Variants in ZNF536 observed in about 807,000 individuals in gnomAD.
The protein encoded by ZNF536 is zinc finger protein 536.
A neutral mutation model predicts 84.5 loss-of-function variants in ZNF536; 13 were observed. The observed-to-expected ratio is 0.15, with a 90% CI of 0.10 to 0.24. The LOEUF (loss-of-function observed/expected upper bound fraction) is 0.24. Among genes scored for constraint, ZNF536 ranks in the 10% least tolerant of loss-of-function variants. The pLI is 1.00. For missense variants in ZNF536, 1,536 were observed against 1,747.5 expected (o/e 0.88, Z 2.16); for synonymous variants, 811 against 742.5 (o/e 1.09, Z -1.50).
chr19:30,540,984 T>C (rs961151090), intron 3 of ZNF536, among the ~76,000 whole-genome samples: 4 of 152,216 alleles, frequency 2.6e-5, no homozygotes, highest in Non-Finnish European at 5.9e-5. Flanking sequence ...GGGTGAGGCA[T>C]GGCCACTGTG....
chr19:30,686,523 C>T (rs1471938636), intron 1 of ZNF536, among the ~76,000 whole-genome samples: 2 of 152,208 alleles, frequency 1.3e-5, no homozygotes, highest in Non-Finnish European at 2.9e-5. Flanking sequence ...CCCCTGGCAC[C>T]GTGGCACCGT....
At chr19:30,275,760 G>A (rs2026093213) in intron 1 of ZNF536, among the ~76,000 whole-genome samples, 1 of 152,098 alleles carries the variant, frequency 6.6e-6, no homozygotes, top group Non-Finnish European at 1.5e-5. Context: ...GGTGGCACTT[G>A]GTAAATGCTA....
chr19:30,435,058 T>C (rs990403782), intron 1 of ZNF536, among the ~76,000 whole-genome samples: 1 of 150,346 alleles, frequency 6.7e-6, no homozygotes, highest in Non-Finnish European at 1.5e-5. Context: ...ATGATGATGC[T>C]GATGATGGTG....
intron 1 of ZNF536, among the ~76,000 whole-genome samples, chr19:30,434,912 GCTGA>G (rs1286411817): frequency 1.8e-4 from 2 of 10,922 alleles, no homozygotes; most frequent in Admixed American, 8.7e-4. Context: ...TGGTGATGAT[GCTGA>G]TGCTGATGCT....
chr19:30,417,148 A>ATTTTTTTTTTTTTTTTT (rs71173904), intron 1 of ZNF536, among the ~76,000 whole-genome samples: 37 of 100,230 alleles, frequency 3.7e-4, no homozygotes, highest in African/African-American at 1.4e-3. Context: ...TAATTTTTGT[A>ATTTTTTTTTTTTTTTTT]TTTTTTTTTT....
chr19:30,278,279 G>A (rs1221647498), intron 1 of ZNF536, among the ~76,000 whole-genome samples: 1 of 152,198 alleles, frequency 6.6e-6, no homozygotes, highest in Non-Finnish European at 1.5e-5. Flanking sequence ...GCAAGGCAGG[G>A]CTGGGAGGGT....
chr19:30,233,641 C>T (rs1290220962), intron 1 of ZNF536, among the ~76,000 whole-genome samples: 1 of 152,172 alleles, frequency 6.6e-6, no homozygotes, highest in Non-Finnish European at 1.5e-5. Context: ...AGGCAGTGCA[C>T]CTGGCTGTCC....
At chr19:30,390,169 G>T (rs898973191) in intron 1 of ZNF536, among the ~76,000 whole-genome samples, 1 of 151,982 alleles carries the variant, frequency 6.6e-6, no homozygotes, top group African/African-American at 2.4e-5. Flanking sequence ...GCTGCAGGGG[G>T]GTTAAGGTTG....
At chr19:30,524,888 TTA>T (rs2044512609) in intron 2 of ZNF536, among the ~76,000 whole-genome samples, 1 of 150,344 alleles carries the variant, frequency 6.7e-6, no homozygotes, top group African/African-American at 2.4e-5. Context: ...AGTACTTAAT[TTA>T]AATTATGAAG....
At chr19:30,626,117 C>G (rs1380443936) in intron 1 of ZNF536, among the ~76,000 whole-genome samples, 2 of 152,222 alleles carry the variant, frequency 1.3e-5, no homozygotes, top group Non-Finnish European at 2.9e-5. Context: ...GAGTCTGTCT[C>G]TATGGCAAGG....
At chr19:30,237,806 GT>G (rs1170371689) in intron 1 of ZNF536, among the ~76,000 whole-genome samples, 6 of 151,888 alleles carry the variant, frequency 4.0e-5, no homozygotes, top group South Asian at 4.1e-4. Context: ...AACTTTTAGG[GT>G]TGCTTCCTCT....
chr19:30,691,450 G>T (rs2051405612), intron 1 of ZNF536, among the ~76,000 whole-genome samples: 1 of 151,928 alleles, frequency 6.6e-6, no homozygotes, highest in African/African-American at 2.4e-5. Flanking sequence ...GTGAGGGGGT[G>T]GGAATACCAA....
chr19:30,623,781 T>C (rs2048574911), intron 1 of ZNF536, among the ~76,000 whole-genome samples: 1 of 152,210 alleles, frequency 6.6e-6, no homozygotes, highest in Admixed American at 6.5e-5. Flanking sequence ...ACTGTTTGCA[T>C]GTTACAGAGC....
At chr19:30,614,204 T>A (rs1417854107) in intron 1 of ZNF536, among the ~76,000 whole-genome samples, 1 of 152,204 alleles carries the variant, frequency 6.6e-6, no homozygotes, top group Non-Finnish European at 1.5e-5. Flanking sequence ...TTTTTCCACC[T>A]CTTCCATATT....
At chr19:30,350,371 C>T (rs1205021322) in intron 2 of ZNF536, among the ~76,000 whole-genome samples, 2 of 152,162 alleles carry the variant, frequency 1.3e-5, no homozygotes, top group Admixed American at 6.5e-5. Context: ...GGACCAGAAT[C>T]GAGTCCAATG....
intron 1 of ZNF536, among the ~76,000 whole-genome samples, chr19:30,399,880 A>T (rs2049978065): frequency 6.6e-6 from 1 of 151,696 alleles, no homozygotes; most frequent in Non-Finnish European, 1.5e-5. Context: ...TAGAGACGGG[A>T]TTTCACCATG....
In ZNF536 at chr19:30,557,485, A is replaced by G; in HGVS notation, c.*321A>G. 3.9e-6 allele frequency: 1 copy of G among 258,886 alleles called. No individual in the cohort carries two copies. Among genetic ancestry groups the G allele is most frequent in the Non-Finnish European group, 7.3e-6 (1 of 136,638 alleles). 16.0% of individuals were successfully genotyped at this position (258,886 alleles called of 1,614,324 possible). ...AGTGACAACTGCTGCTGGATGACAGATCCCTTCACCTGTGGACAACCTGGC... is the reference window on the plus strand; with the variant it reads ...AGTGACAACTGCTGCTGGATGACAGGTCCCTTCACCTGTGGACAACCTGGC... On this transcript the variant is annotated 3_prime_UTR_variant, in exon 5 of 5. Transcript: ENST00000355537.
chr19:30,541,155 G>T (rs934754403), intron 3 of ZNF536, among the ~76,000 whole-genome samples: 2 of 152,204 alleles, frequency 1.3e-5, no homozygotes, highest in Non-Finnish European at 2.9e-5. Context: ...ATAAACATGG[G>T]TGGAAATGAA....
intron 1 of ZNF536, among the ~76,000 whole-genome samples, chr19:30,645,790 C>T (rs2049443572): frequency 6.6e-6 from 1 of 152,186 alleles, no homozygotes. Context: ...GCGGATGGCG[C>T]CACCCTGCAG....
Sources: gnomAD v4.1 joint callset for allele counts (sites outside exome capture counted in the v4.1 genomes callset) on GRCh38, gnomAD v4.1.1 for gene constraint, MANE v1.5 for transcripts, NCBI Gene and HGNC (gene_info 2026-07-23, HGNC 2026-07-21) for gene names.